The following ZBTB7C variants were observed in gnomAD, a reference collection of about 807,000 sequenced individuals.
ZBTB7C encodes zinc finger and BTB domain-containing protein 7C.
ZBTB7C carries 8 observed loss-of-function variants against 25.7 expected under a neutral mutation model. The observed-to-expected ratio is 0.31, with a 90% CI of 0.18 to 0.56. The LOEUF (loss-of-function observed/expected upper bound fraction) is 0.56, where lower values mean the gene tolerates loss of function less well. Ranked by LOEUF, ZBTB7C falls within the 20% of genes least tolerant of loss-of-function variation. ZBTB7C has a pLI of 0.91. For synonymous variants in ZBTB7C, 394 were observed against 369.0 expected (o/e 1.07, Z -0.78); for missense variants, 824 against 855.2 (o/e 0.96, Z 0.46).
intron 2 of ZBTB7C, among the ~76,000 whole-genome samples, chr18:48,275,931 T>C (rs1431325139): frequency 1.3e-5 from 2 of 152,050 alleles, no homozygotes; most frequent in East Asian, 1.9e-4. Flanking sequence ...AAAGGCAAAT[T>C]TGATTTTGGA....
chr18:48,330,653 TA>T (rs764929749), intron 2 of ZBTB7C, among the ~76,000 whole-genome samples: 249 of 142,982 alleles, frequency 1.7e-3, no homozygotes, highest in East Asian at 5.9e-3. Context: ...TTTCTGTATT[TA>T]AAAAAAAAAA....
chr18:48,359,580 T>C lies in ZBTB7C; in HGVS notation c.-303-21182A>G, dbSNP rs150668387. Reference sequence around the variant, plus strand: ...GCTGGACCTTCCAACAGATCAAGCATACGAAAGGAGGCCAGAGAAGGCCTG... The same window carrying C: ...GCTGGACCTTCCAACAGATCAAGCACACGAAAGGAGGCCAGAGAAGGCCTG... On this transcript the variant is annotated intron_variant, in intron 1 of 4. Coordinates refer to ENST00000590800, the MANE Select transcript of ZBTB7C (RefSeq NM_001318841.2). Among the ~76,000 whole-genome samples the C allele has an allele frequency of 3.0e-3, 461 of 152,182 alleles. 3 individuals are homozygous for C. Among genetic ancestry groups the C allele is most frequent in the African/African-American group, 0.011 (437 of 41,524 alleles).
chr18:48,384,767 T>C (rs1426321067), intron 1 of ZBTB7C, among the ~76,000 whole-genome samples: 1 of 152,158 alleles, frequency 6.6e-6, no homozygotes, highest in Non-Finnish European at 1.5e-5. Flanking sequence ...CTGCAACCTC[T>C]GCCTCCTTGG....
At chr18:48,109,916 G>A (rs774711363) in intron 3 of ZBTB7C, among the ~76,000 whole-genome samples, 1 of 152,170 alleles carries the variant, frequency 6.6e-6, no homozygotes, top group Admixed American at 6.5e-5. Context: ...GGTGCAGAAA[G>A]CCTGGTTTCT....
At chr18:48,032,160 C>A (rs1261671126) in intron 4 of ZBTB7C, among the ~76,000 whole-genome samples, 1 of 152,128 alleles carries the variant, frequency 6.6e-6, no homozygotes, top group Non-Finnish European at 1.5e-5. Flanking sequence ...GTTGCCCAGG[C>A]TGGAGTACAG....
intron 3 of ZBTB7C, among the ~76,000 whole-genome samples, chr18:48,131,587 A>C (rs118126984): frequency 6.6e-6 from 1 of 152,210 alleles, no homozygotes; most frequent in South Asian, 2.1e-4. Context: ...TCCCATAGGC[A>C]TAAAACTGGG....
chr18:48,026,915 G>C lies in ZBTB7C; in HGVS notation c.*2345C>G, dbSNP rs2144030518. 1 of 151,592 alleles carries C rather than the reference G, an allele frequency of 6.6e-6. No homozygotes were observed. The highest frequency in any genetic ancestry group is 2.4e-5 in the African/African-American group (1 of 41,330). The allele number at this position is 151,592 out of a possible 1,614,324, so 9.4% of individuals were successfully genotyped here. ...GTCAATTAATACTGTTTAATAAATA[G>C]GCCAGAAAATTAGCTGAGAGTTTTT... On this transcript the variant is annotated 3_prime_UTR_variant, in exon 5 of 5. Transcript: ENST00000590800.
intron 4 of ZBTB7C, among the ~76,000 whole-genome samples, chr18:48,038,189 G>A (rs1201806903): frequency 1.3e-5 from 2 of 152,010 alleles, no homozygotes; most frequent in African/African-American, 2.4e-5. Flanking sequence ...GGAGCAGGGC[G>A]CCCTGCTGTC....
intron 2 of ZBTB7C, among the ~76,000 whole-genome samples, chr18:48,233,271 T>C (rs938935079): frequency 6.6e-6 from 1 of 152,162 alleles, no homozygotes; most frequent in African/African-American, 2.4e-5. Context: ...CTCCATGAGA[T>C]GACACAGCAA....
chr18:48,285,116 C>T (rs77520898), intron 2 of ZBTB7C, among the ~76,000 whole-genome samples: 8,041 of 152,252 alleles, frequency 0.053, 255 homozygotes, highest in Non-Finnish European at 0.071. Context: ...TTTCCATTTG[C>T]AGGGTGCAGG....
chr18:48,391,817 G>A (rs184566275), intron 1 of ZBTB7C, among the ~76,000 whole-genome samples: 7 of 152,304 alleles, frequency 4.6e-5, no homozygotes, highest in Admixed American at 3.9e-4. Context: ...GTAGCCTAGG[G>A]CCTCGCTTGG....
At chr18:48,301,871 C>A (rs767953277) in intron 2 of ZBTB7C, among the ~76,000 whole-genome samples, 4 of 152,118 alleles carry the variant, frequency 2.6e-5, no homozygotes, top group Non-Finnish European at 5.9e-5. Flanking sequence ...AAGGCCACAG[C>A]CCAGCCTGGA....
intron 2 of ZBTB7C, among the ~76,000 whole-genome samples, chr18:48,304,409 C>A (rs1310162494): frequency 1.3e-5 from 2 of 152,228 alleles, no homozygotes; most frequent in South Asian, 2.1e-4. Context: ...GGCGTGGTGG[C>A]TCATGCCTGT....
chr18:48,323,814 T>TTTAC (rs2046152618), intron 2 of ZBTB7C, among the ~76,000 whole-genome samples: 11 of 151,998 alleles, frequency 7.2e-5, no homozygotes, highest in Admixed American at 2.6e-4. Context: ...CATCTACTTA[T>TTTAC]AACTGTAAAT....
intron 2 of ZBTB7C, among the ~76,000 whole-genome samples, chr18:48,314,330 C>A (rs909777327): frequency 6.6e-6 from 1 of 152,168 alleles, no homozygotes; most frequent in African/African-American, 2.4e-5. Context: ...GGGAACATGG[C>A]AAAAGCAACC....
At chr18:48,261,861 A>G (rs531394828) in intron 2 of ZBTB7C, among the ~76,000 whole-genome samples, 1 of 152,296 alleles carries the variant, frequency 6.6e-6, no homozygotes, top group Non-Finnish European at 1.5e-5. Context: ...ATTAAGATCT[A>G]TTTTCTGCAC....
At chr18:48,142,822 C>G (rs2040389563) in intron 3 of ZBTB7C, among the ~76,000 whole-genome samples, 1 of 152,102 alleles carries the variant, frequency 6.6e-6, no homozygotes, top group Non-Finnish European at 1.5e-5. Flanking sequence ...ACTCCTCCCT[C>G]TCTCCCTTCT....
intron 2 of ZBTB7C, among the ~76,000 whole-genome samples, chr18:48,221,883 TCCTCTATACTGTCCTAGTCTC>T (rs2042970407): frequency 1.4e-5 from 2 of 147,194 alleles, no homozygotes; most frequent in Non-Finnish European, 3.0e-5. Context: ...TGTCCTAGTC[TCCTCTATACTGTCCTAGTCTC>T]CCTCTATACT....
chr18:48,160,820 G>A lies in ZBTB7C; in HGVS notation c.-17+25114C>T, dbSNP rs183204378. 1.1e-3 allele frequency among the ~76,000 whole-genome samples: 169 copies of A among 152,196 alleles called. 4 individuals carry two copies. Among genetic ancestry groups the A allele is most frequent in the African/African-American group, 4.0e-3 (167 of 41,512 alleles). On this transcript the variant is annotated intron_variant, in intron 3 of 4. Transcript: ENST00000590800. Reference sequence around the variant, plus strand: ...GCAGTGGCAGTCTGAGGGGGGCCAGGTGGCCTTCTTGATGTGATATGAGGG... The same window carrying A: ...GCAGTGGCAGTCTGAGGGGGGCCAGATGGCCTTCTTGATGTGATATGAGGG...
Sources: allele counts gnomAD v4.1 joint callset (sites outside exome capture counted in the v4.1 genomes callset), GRCh38; gene constraint gnomAD v4.1.1; transcripts MANE v1.5; gene names NCBI Gene and HGNC (gene_info 2026-07-23, HGNC 2026-07-21).